The following CNTNAP2 variants were observed in gnomAD, a reference collection of about 807,000 sequenced individuals.
The protein encoded by CNTNAP2 is contactin associated protein 2.
CNTNAP2 carries 98 observed loss-of-function variants against 155.2 expected under a neutral mutation model. The ratio of observed to expected loss-of-function variants is 0.63; its 90% CI spans 0.54 to 0.75. The LOEUF (loss-of-function observed/expected upper bound fraction) is 0.75. Ranked by LOEUF, CNTNAP2 falls within the 30% of genes least tolerant of loss-of-function variation. The pLI, the probability that CNTNAP2 is intolerant of heterozygous loss-of-function variation, is 0.00. For synonymous variants in CNTNAP2, 651 were observed against 631.2 expected (o/e 1.03, Z -0.47); for missense variants, 1,727 against 1,688.1 (o/e 1.02, Z -0.40).
intron 1 of CNTNAP2, among the ~76,000 whole-genome samples, chr7:146,734,587 C>T (rs2129179991): frequency 6.6e-6 from 1 of 152,118 alleles, no homozygotes; most frequent in Non-Finnish European, 1.5e-5. Context: ...TCAACATATC[C>T]TACATCAAGG....
chr7:146,183,610 A>G (rs1798580842), intron 1 of CNTNAP2, among the ~76,000 whole-genome samples: 1 of 136,708 alleles, frequency 7.3e-6, no homozygotes, highest in Non-Finnish European at 1.5e-5. Flanking sequence ...CCACACAAAT[A>G]ATAATAATAA....
intron 9 of CNTNAP2, among the ~76,000 whole-genome samples, chr7:147,316,301 C>A (rs982929392): frequency 6.6e-6 from 1 of 151,958 alleles, no homozygotes; most frequent in African/African-American, 2.4e-5. Flanking sequence ...TATTATCAGA[C>A]ATTTGTTGCA....
intron 13 of CNTNAP2, among the ~76,000 whole-genome samples, chr7:147,683,129 A>G (rs1450597036): frequency 6.6e-6 from 1 of 151,930 alleles, no homozygotes; most frequent in Admixed American, 6.6e-5. Flanking sequence ...TTTCTTTCAT[A>G]TAATATATAA....
At chr7:147,226,879 C>A (rs778252036) in intron 8 of CNTNAP2, among the ~76,000 whole-genome samples, 81 of 152,146 alleles carry the variant, frequency 5.3e-4, no homozygotes, top group Non-Finnish European at 3.2e-4. Flanking sequence ...TAGTGACTAC[C>A]TTTATTGTAC....
chr7:146,884,096 T>C (rs1047924572), intron 3 of CNTNAP2, among the ~76,000 whole-genome samples: 1 of 152,132 alleles, frequency 6.6e-6, no homozygotes, highest in African/African-American at 2.4e-5. Context: ...CCTGGGTATA[T>C]GCAGGGGATG....
At chr7:148,079,308 G>A (rs1219314591) in intron 15 of CNTNAP2, among the ~76,000 whole-genome samples, 6 of 152,188 alleles carry the variant, frequency 3.9e-5, no homozygotes. Flanking sequence ...TGGAAGCCAA[G>A]GGTAGAAGGG....
At chr7:146,331,520 T>G (rs189662526) in intron 1 of CNTNAP2, among the ~76,000 whole-genome samples, 24 of 152,188 alleles carry the variant, frequency 1.6e-4, no homozygotes, top group African/African-American at 5.5e-4. Context: ...GTCTAGTGAC[T>G]CATTGCTGTT....
intron 8 of CNTNAP2, among the ~76,000 whole-genome samples, chr7:147,269,644 G>T (rs1011299924): frequency 3.3e-5 from 5 of 152,194 alleles, no homozygotes; most frequent in African/African-American, 9.6e-5. Flanking sequence ...GAAGGGCCAG[G>T]ACAATCAAGA....
chr7:148,218,998 A>G (rs1795695853), intron 19 of CNTNAP2, among the ~76,000 whole-genome samples: 1 of 126,418 alleles, frequency 7.9e-6, no homozygotes, highest in African/African-American at 3.2e-5. Flanking sequence ...GCTGGAGTGC[A>G]GTGGCGCAAT....
At chr7:147,309,524 C>A (rs913346813) in intron 9 of CNTNAP2, among the ~76,000 whole-genome samples, 2 of 151,598 alleles carry the variant, frequency 1.3e-5, no homozygotes, top group African/African-American at 4.8e-5. Flanking sequence ...AATATTTTCC[C>A]TCTGGTCCAT....
chr7:148,075,928 C>G (rs780002579), intron 15 of CNTNAP2, among the ~76,000 whole-genome samples: 1 of 152,196 alleles, frequency 6.6e-6, no homozygotes, highest in African/African-American at 2.4e-5. Context: ...GGTGATGAGT[C>G]GAAAGTAGCC....
At chr7:147,998,476 C>T (rs1428169761) in intron 15 of CNTNAP2, among the ~76,000 whole-genome samples, 3 of 152,084 alleles carry the variant, frequency 2.0e-5, no homozygotes, top group African/African-American at 4.8e-5. Flanking sequence ...AGAGGCGTGA[C>T]CGATGATTTT....
At chr7:146,450,934 A>AATATTTAT (rs1159459870) in intron 1 of CNTNAP2, among the ~76,000 whole-genome samples, 1 of 108,396 alleles carries the variant, frequency 9.2e-6, no homozygotes, top group East Asian at 2.4e-4. Flanking sequence ...TCATAGTAAA[A>AATATTTAT]ATATTTATTT....
chr7:148,011,087 A>G (rs1802073000), intron 15 of CNTNAP2, among the ~76,000 whole-genome samples: 1 of 152,176 alleles, frequency 6.6e-6, no homozygotes, highest in Non-Finnish European at 1.5e-5. Context: ...CAGAATTCAC[A>G]TTACATATAA....
intron 4 of CNTNAP2, among the ~76,000 whole-genome samples, chr7:147,098,846 A>T (rs1800597178): frequency 6.6e-6 from 1 of 152,192 alleles, no homozygotes; most frequent in African/African-American, 2.4e-5. Context: ...CCAGCATCAC[A>T]CATTTGTATA....
At position 147,164,551 on chromosome 7, in the gene CNTNAP2, A is replaced by G. The variant is rs1006646974; in HGVS notation, c.1348+32042A>G. On this transcript the variant is annotated intron_variant, in intron 8 of 23. Transcript: ENST00000361727. ...CTGTGAACCATAAGAGATAGTTAAC[A>G]TAAGGAGGAATACATTTAAATAAAT... Among the ~76,000 whole-genome samples the G allele has an allele frequency of 9.2e-5, 14 of 152,238 alleles. No individual in the cohort carries two copies. The South Asian group carries it at 2.7e-3, about 29-fold the overall frequency.
At chr7:147,590,276 T>C (rs984207180) in intron 12 of CNTNAP2, among the ~76,000 whole-genome samples, 3 of 152,114 alleles carry the variant, frequency 2.0e-5, no homozygotes, top group Admixed American at 6.5e-5. Context: ...ATTGATATGG[T>C]TTGGCTCTGT....
intron 1 of CNTNAP2, among the ~76,000 whole-genome samples, chr7:146,294,005 A>G (rs180986010): frequency 6.6e-6 from 1 of 152,246 alleles, no homozygotes; most frequent in East Asian, 1.9e-4. Flanking sequence ...GTTTCTGAAA[A>G]GATTTCCGTG....
intron 4 of CNTNAP2, among the ~76,000 whole-genome samples, chr7:147,063,702 A>G (rs544047101): frequency 6.6e-6 from 1 of 152,284 alleles, no homozygotes; most frequent in African/African-American, 2.4e-5. Flanking sequence ...AAAAACAGTT[A>G]TATTTGCAAA....
Sources: allele counts gnomAD v4.1 joint callset (sites outside exome capture counted in the v4.1 genomes callset), GRCh38; gene constraint gnomAD v4.1.1; transcripts MANE v1.5; gene names NCBI Gene and HGNC (gene_info 2026-07-23, HGNC 2026-07-21).